Variants in P2RX5 observed in about 807,000 individuals in gnomAD.
P2RX5 encodes purinergic receptor P2X 5.
Under a neutral mutation model 54.1 loss-of-function variants are expected in P2RX5, and 46 were observed. The ratio of observed to expected loss-of-function variants is 0.85; its 90% CI spans 0.67 to 1.09. The LOEUF is 1.09. P2RX5 is among the 50% of genes least tolerant of loss of function. P2RX5 has a pLI of 0.00. For missense variants in P2RX5, 566 were observed against 549.8 expected, an observed-to-expected ratio of 1.03 and a Z score of -0.29; for synonymous variants, 226 against 226.4, an observed-to-expected ratio of 1.00 and a Z score of 0.02.
chr17:3,713,543 G>C, the P2RX5 span, among the ~76,000 whole-genome samples: 2 of 152,078 alleles, frequency 1.3e-5, no homozygotes, highest in Admixed American at 6.6e-5. Context: ...CTGAAGTCAG[G>C]AGTTTGAGAC....
intron 11 of P2RX5, among the ~76,000 whole-genome samples, chr17:3,674,484 T>C (rs1446959275): frequency 1.3e-5 from 2 of 152,238 alleles, no homozygotes; most frequent in Non-Finnish European, 2.9e-5. Flanking sequence ...AGGCGATCCC[T>C]GGCTCTTCTG....
rs758536424 is a variant in P2RX5 at position 3,693,830 on chromosome 17, C to CT, written c.138-2037dup. ...GAATGTTCTCAGAAGCATTCTTCTT[C>CT]TTTTTTTTTTTTTGAGACAGTCTTG... On this transcript the variant is annotated intron_variant, in intron 1 of 11. Transcript: ENST00000225328. Among the ~76,000 whole-genome samples, 277 of 146,976 alleles carry CT rather than the reference C, an allele frequency of 1.9e-3. 1 individual carries two copies. Among genetic ancestry groups the CT allele is most frequent in the South Asian group, 4.9e-3 (23 of 4,658 alleles).
upstream of P2RX5, among the ~76,000 whole-genome samples, chr17:3,699,095 C>CACACATATA (rs60173844): frequency 1.1e-3 from 112 of 100,244 alleles, 2 homozygotes; most frequent in African/African-American, 2.5e-3. Flanking sequence ...ACACACACAC[C>CACACATATA]TATATATATA....
At chr17:3,701,756 T>TG in the P2RX5 span, among the ~76,000 whole-genome samples, 2,653 of 122,554 alleles carry the variant, frequency 0.022, 50 homozygotes, top group South Asian at 0.068. Context: ...GTTTTTTTTT[T>TG]TTTTGTTTTT....
Position 3,676,332 on chromosome 17 carries a change from T to G in P2RX5, c.1260-2455A>C, listed in dbSNP as rs542278289. The G allele has an allele frequency of 1.4e-4, 141 of 985,382 alleles. No homozygotes were observed. In the South Asian group the frequency reaches 5.8e-3, roughly 41 times the overall value. 61.0% of individuals were successfully genotyped at this position (985,382 alleles called of 1,614,324 possible). On this transcript the variant is annotated intron_variant, in intron 11 of 11. Transcript: ENST00000225328. Reference sequence around the variant, plus strand: ...CGTCAGGAGAAGTTCATTACCTGAGTGAATGTGTAAGAAACCACACGAGTT... The same window carrying G: ...CGTCAGGAGAAGTTCATTACCTGAGGGAATGTGTAAGAAACCACACGAGTT...
At chr17:3,705,332 T>TA in the P2RX5 span, among the ~76,000 whole-genome samples, 1 of 152,174 alleles carries the variant, frequency 6.6e-6, no homozygotes, top group African/African-American at 2.4e-5. Flanking sequence ...CAGTCCTACC[T>TA]GCCTTCCCAG....
At chr17:3,709,153 T>C in the P2RX5 span, among the ~76,000 whole-genome samples, 2 of 152,108 alleles carry the variant, frequency 1.3e-5, no homozygotes, top group Non-Finnish European at 2.9e-5. Flanking sequence ...GGTGTCACCA[T>C]GTTGGGCAAG....
chr17:3,690,534 G>T lies in P2RX5; in HGVS notation c.437-11C>A, dbSNP rs761050114. 4.3e-6 allele frequency: 7 copies of T among 1,612,898 alleles called. No individual in the cohort carries two copies. The highest frequency in any genetic ancestry group is 5.9e-6 in the Non-Finnish European group (7 of 1,179,322). On this transcript the variant is annotated splice_polypyrimidine_tract_variant and intron_variant, in intron 4 of 11. Transcript: ENST00000225328. ...GGCCGGTCTTCACTCCTGCAGGGGT[G>T]GGACAGGATCAATGCCAGGAGCCTC...
chr17:3,708,819 A>G, the P2RX5 span, among the ~76,000 whole-genome samples: 3 of 152,084 alleles, frequency 2.0e-5, no homozygotes, highest in South Asian at 6.2e-4. Flanking sequence ...TCTGACATGC[A>G]TTCCTTGAAA....
At chr17:3,711,708 T>A in the P2RX5 span, among the ~76,000 whole-genome samples, 1 of 150,658 alleles carries the variant, frequency 6.6e-6, no homozygotes, top group Admixed American at 6.6e-5. Context: ...TTTATTTATT[T>A]TTTTGAGACA....
At chr17:3,707,496 C>T in the P2RX5 span, among the ~76,000 whole-genome samples, 3 of 152,172 alleles carry the variant, frequency 2.0e-5, no homozygotes, top group Non-Finnish European at 2.9e-5. Flanking sequence ...AGGTTTGCAG[C>T]ACCAAAGTGA....
chr17:3,703,816 C>T, the P2RX5 span, among the ~76,000 whole-genome samples: 1 of 151,564 alleles, frequency 6.6e-6, no homozygotes, highest in African/African-American at 2.4e-5. Context: ...ATTTAAAAAC[C>T]CCAGCCGGGC....
the P2RX5 span, among the ~76,000 whole-genome samples, chr17:3,701,502 G>A: frequency 3.9e-5 from 6 of 152,154 alleles, no homozygotes; most frequent in South Asian, 1.2e-3. Context: ...AGACCAGCCT[G>A]AACAATATGG....
At position 3,691,602 on chromosome 17, in the gene P2RX5, G is replaced by C. The variant is rs765692454; in HGVS notation, c.288+42C>G. The C allele has an allele frequency of 9.3e-6, 15 of 1,613,294 alleles. No homozygotes were observed. In the East Asian group the frequency reaches 3.3e-4, roughly 36 times the overall value. On this transcript the variant is annotated intron_variant, in intron 2 of 11. Transcript: ENST00000225328. Reference sequence around the variant, plus strand: ...CCGTGTGACCCACCCGAACCAGGCAGTCCCTGCCAGCCTTGGCCGTGTGCT... The same window carrying C: ...CCGTGTGACCCACCCGAACCAGGCACTCCCTGCCAGCCTTGGCCGTGTGCT...
chr17:3,688,826 C>G (rs2050521751), intron 7 of P2RX5, 67 bp from the exon 8 acceptor site: 1 of 1,570,556 alleles, frequency 6.4e-7, no homozygotes, highest in African/African-American at 1.3e-5. Context: ...CCCAGGCCAG[C>G]CCTTCACCGG....
At position 3,695,865 on chromosome 17, in the gene P2RX5, T is replaced by C. The variant is rs1437587790; in HGVS notation, c.137+4A>G. On this transcript the variant is annotated splice_donor_region_variant and intron_variant, in intron 1 of 11. Transcript: ENST00000225328. The stretch of plus-strand genomic sequence containing the variant: ...GCCTTCCCAAAAGTCCGCGGAGAAC[T>C]TACACGACCAGGTACGCCAGGATGG... 6 of 1,424,516 alleles carry C rather than the reference T, an allele frequency of 4.2e-6. No individual in the cohort carries two copies. Among genetic ancestry groups the C allele is most frequent in the South Asian group, 3.4e-5 (3 of 88,300 alleles). The allele number at this position is 1,424,516 out of a possible 1,614,324, so 88.2% of individuals were successfully genotyped here.
chr17:3,699,936 A>G (rs528185008), upstream of P2RX5, among the ~76,000 whole-genome samples: 4 of 124,218 alleles, frequency 3.2e-5, 1 homozygote, highest in South Asian at 1.4e-3. Context: ...GAAAGAAAGA[A>G]AGAAAGAAAG....
At chr17:3,700,277 G>A (rs1484606197), upstream of P2RX5, among the ~76,000 whole-genome samples, 1 of 152,124 alleles carries the variant, frequency 6.6e-6, no homozygotes, top group Admixed American at 6.6e-5. Flanking sequence ...GCTCACGCCT[G>A]TAATCCCAGC....
the P2RX5 span, among the ~76,000 whole-genome samples, chr17:3,705,711 C>G: frequency 6.6e-6 from 1 of 152,162 alleles, no homozygotes; most frequent in African/African-American, 2.4e-5. Context: ...AATGAAATTT[C>G]TAATCACCCA....
Sources: gnomAD v4.1 joint callset for allele counts (sites outside exome capture counted in the v4.1 genomes callset) on GRCh38, gnomAD v4.1.1 for gene constraint, MANE v1.5 for transcripts, NCBI Gene and HGNC (gene_info 2026-07-23, HGNC 2026-07-21) for gene names.